Variants in SAMD8 observed in about 807,000 individuals in gnomAD.
The protein encoded by SAMD8 is sphingomyelin synthase-related protein 1.
In SAMD8, 20 loss-of-function variants were observed where a neutral mutation model predicts 42.0. That is an observed-to-expected ratio of 0.48 (90% confidence interval 0.34 to 0.69). The LOEUF is 0.69. Ranked by LOEUF, SAMD8 falls within the 30% of genes least tolerant of loss-of-function variation. The pLI is 0.01. For missense variants in SAMD8, 328 were observed against 511.6 expected, an observed-to-expected ratio of 0.64 and a Z score of 3.46; for synonymous variants, 162 against 173.0, an observed-to-expected ratio of 0.94 and a Z score of 0.50.
chr10:75,119,376 C>G (rs546133813), intron 1 of SAMD8, among the ~76,000 whole-genome samples: 3 of 152,148 alleles, frequency 2.0e-5, no homozygotes, highest in African/African-American at 7.2e-5. Context: ...AGGCTGGTCT[C>G]GAACTCCTGA....
chr10:75,163,950 G>A (rs778415278), intron 2 of SAMD8, among the ~76,000 whole-genome samples: 1 of 152,164 alleles, frequency 6.6e-6, no homozygotes, highest in Non-Finnish European at 1.5e-5. Context: ...CAGGCGCTGT[G>A]GCTCACACCT....
upstream of SAMD8, chr10:75,107,990 AC>A (rs1240832967): frequency 1.2e-6 from 2 of 1,610,178 alleles, no homozygotes; most frequent in Admixed American, 1.7e-5. Flanking sequence ...CCCAAGTCCT[AC>A]CCCCAGGCGT....
chr10:75,151,404 AATGCAGTGGCATGACC>A (rs1221226685), intron 2 of SAMD8, among the ~76,000 whole-genome samples: 4 of 152,126 alleles, frequency 2.6e-5, no homozygotes, highest in Non-Finnish European at 4.4e-5. Flanking sequence ...CCCAGGCTGG[AATGCAGTGGCATGACC>A]ATGGCTCACT....
intron 3 of SAMD8, among the ~76,000 whole-genome samples, chr10:75,165,670 C>CAAA (rs1307825539): frequency 1.5e-5 from 1 of 65,518 alleles, no homozygotes; most frequent in African/African-American, 5.7e-5. Flanking sequence ...GACTCTGTCT[C>CAAA]AAAAAAAAAA....
At position 75,168,004 on chromosome 10, in the gene SAMD8, C is replaced by CT. The variant is rs977584576; in HGVS notation, c.675-528dup. Among the ~76,000 whole-genome samples, 14 of 151,428 alleles carry CT rather than the reference C, an allele frequency of 9.2e-5. No individual in the cohort carries two copies. The East Asian group carries it at 1.4e-3, about 15-fold the overall frequency. On this transcript the variant is annotated intron_variant, in intron 3 of 5. Transcript: ENST00000542569. The stretch of plus-strand genomic sequence containing the variant: ...TTTTACTTTCTTTTAGCCATATTTT[C>CT]TTTTTTTTTGAGACGGAGTTTCACT...
rs1279080284 is a variant in SAMD8, at chr10:75,179,874, T to C, written c.*3182T>C. On this transcript the variant is annotated 3_prime_UTR_variant, in exon 6 of 6. Coordinates refer to ENST00000542569, the MANE Select transcript of SAMD8 (RefSeq NM_001174156.2). ...TGTATTTGGTTCTGTAGTTGCAGACTTGTGAAGGCTTACATCATCATGGAG... is the reference window on the plus strand; with the variant it reads ...TGTATTTGGTTCTGTAGTTGCAGACCTGTGAAGGCTTACATCATCATGGAG... 1 of 152,226 alleles carries C rather than the reference T, an allele frequency of 6.6e-6. No individual in the cohort carries two copies. Among genetic ancestry groups the C allele is most frequent in the Non-Finnish European group, 1.5e-5 (1 of 68,034 alleles). 9.4% of individuals were successfully genotyped at this position (152,226 alleles called of 1,614,324 possible). A position where few individuals can be genotyped will look rare whatever the true frequency, so the allele number is the denominator to read the frequency against.
intron 2 of SAMD8, among the ~76,000 whole-genome samples, chr10:75,159,264 G>A (rs1840501588): frequency 6.6e-6 from 1 of 151,804 alleles, no homozygotes; most frequent in Non-Finnish European, 1.5e-5. Flanking sequence ...CACCATGTTG[G>A]CCAGGCTGGT....
chr10:75,165,121 T>C (rs1272645998), intron 3 of SAMD8, among the ~76,000 whole-genome samples: 1 of 151,762 alleles, frequency 6.6e-6, no homozygotes, highest in Admixed American at 6.6e-5. Flanking sequence ...AGAAATCCCG[T>C]CTCTACTAAA....
intron 1 of SAMD8, among the ~76,000 whole-genome samples, chr10:75,112,429 G>A (rs1303474893): frequency 1.3e-5 from 2 of 152,120 alleles, no homozygotes; most frequent in Non-Finnish European, 2.9e-5. Context: ...AGATCACTAG[G>A]GCAATGTACT....
rs751981102 is a variant in SAMD8 at position 75,164,637 on chromosome 10, T to C, written c.579-8T>C. ...TCTTCAATTCAAAATCATTTTTTTC[T>C]GTTCCAGCGTTCCTAGAATCCCATG... On this transcript the variant is annotated splice_polypyrimidine_tract_variant and splice_region_variant and intron_variant, in intron 2 of 5. Transcript: ENST00000542569. 17 of 1,613,162 alleles carry C rather than the reference T, an allele frequency of 1.1e-5. No individual in the cohort carries two copies. The highest frequency in any genetic ancestry group is 1.4e-5 in the Non-Finnish European group (16 of 1,179,474).
chr10:75,131,101 A>G (rs1564679891), intron 1 of SAMD8, among the ~76,000 whole-genome samples: 1 of 152,252 alleles, frequency 6.6e-6, no homozygotes, highest in Non-Finnish European at 1.5e-5. Flanking sequence ...TATAATTAGG[A>G]AATGAGATCC....
chr10:75,116,252 C>T (rs1848879589), intron 1 of SAMD8, among the ~76,000 whole-genome samples: 1 of 152,006 alleles, frequency 6.6e-6, no homozygotes, highest in Non-Finnish European at 1.5e-5. Flanking sequence ...GCGTGTGCCA[C>T]CACACCTGGC....
At chr10:75,115,249 G>A (rs1053074178) in intron 1 of SAMD8, among the ~76,000 whole-genome samples, 1 of 152,170 alleles carries the variant, frequency 6.6e-6, no homozygotes, top group Non-Finnish European at 1.5e-5. Flanking sequence ...TTTGCTCTAA[G>A]GGTATGATGT....
intron 1 of SAMD8, among the ~76,000 whole-genome samples, chr10:75,147,892 T>TA (rs1349994424): frequency 2.6e-5 from 4 of 152,178 alleles, no homozygotes; most frequent in Non-Finnish European, 4.4e-5. Context: ...TTCCATGTGT[T>TA]AAAGTGAATA....
chr10:75,108,413 CG>C, upstream of SAMD8: 1 of 917,862 alleles, frequency 1.1e-6, no homozygotes, highest in Non-Finnish European at 1.6e-6. Flanking sequence ...GTGTGTGTGT[CG>C]GGGGATCTTT....
intron 1 of SAMD8, among the ~76,000 whole-genome samples, chr10:75,112,629 G>A (rs959084044): frequency 2.0e-5 from 3 of 152,168 alleles, no homozygotes; most frequent in African/African-American, 4.8e-5. Context: ...GACAGTAATG[G>A]TGTCCTTTTT....
chr10:75,168,781 A>T (rs1840756065), intron 4 of SAMD8, 123 bp downstream of exon 4: 2 of 628,642 alleles, frequency 3.2e-6, no homozygotes, highest in Non-Finnish European at 2.9e-6. Flanking sequence ...ATGTCTATAA[A>T]AAAAACTATA....
intron 1 of SAMD8, among the ~76,000 whole-genome samples, chr10:75,136,265 T>G (rs1305389319): frequency 2.0e-5 from 3 of 152,236 alleles, no homozygotes; most frequent in Non-Finnish European, 4.4e-5. Flanking sequence ...TCAAGTCTTT[T>G]TCCCCTGTCA....
intron 2 of SAMD8, among the ~76,000 whole-genome samples, chr10:75,160,203 A>AT (rs879478261): frequency 2.1e-4 from 32 of 149,012 alleles, no homozygotes; most frequent in East Asian, 7.9e-4. Context: ...AGAAAATTAA[A>AT]TTTTTTTTTT....
Sources: gnomAD v4.1 joint callset for allele counts (sites outside exome capture counted in the v4.1 genomes callset) on GRCh38, gnomAD v4.1.1 for gene constraint, MANE v1.5 for transcripts, NCBI Gene and HGNC (gene_info 2026-07-23, HGNC 2026-07-21) for gene names.